MTUS2: variants seen among roughly 807,000 people sequenced by gnomAD.
MTUS2 encodes microtubule-associated tumor suppressor candidate 2.
In MTUS2, 40 loss-of-function variants were observed where a neutral mutation model predicts 114.1. The ratio of observed to expected loss-of-function variants is 0.35; its 90% CI spans 0.27 to 0.46. The LOEUF (loss-of-function observed/expected upper bound fraction) is 0.46. Ranked by LOEUF, MTUS2 falls within the 20% of genes least tolerant of loss-of-function variation. The pLI is 1.00. For missense variants in MTUS2, 1,679 were observed against 1,705.4 expected (o/e 0.98, Z 0.27); for synonymous variants, 688 against 672.0 (o/e 1.02, Z -0.37).
chr13:28,994,683 G>C (rs1885014709), intron 2 of MTUS2, among the ~76,000 whole-genome samples: 1 of 152,110 alleles, frequency 6.6e-6, no homozygotes, highest in Non-Finnish European at 1.5e-5. Flanking sequence ...GTGTTTTTTG[G>C]CTGCAAAAAT....
At position 29,389,809 on chromosome 13, in the gene MTUS2, GTA is replaced by G. The variant is rs1394483796; in HGVS notation, c.3117+30343_3117+30344del. Among the ~76,000 whole-genome samples, 2 of 67,192 alleles carry G rather than the reference GTA, an allele frequency of 3.0e-5. 1 individual carries two copies. Among genetic ancestry groups the G allele is most frequent in the Admixed American group, 3.1e-4 (2 of 6,508 alleles). 44.1% of individuals were successfully genotyped at this position (67,192 alleles called of 152,430 possible). ...TGTATATGTATATACATACATATGT[GTA>G]TATATACATACATATGTGTATATAT... On this transcript the variant is annotated intron_variant, in intron 8 of 15. Coordinates refer to ENST00000612955, the MANE Select transcript of MTUS2 (RefSeq NM_001033602.4).
chr13:29,173,154 G>T (rs1295069712), intron 5 of MTUS2, among the ~76,000 whole-genome samples: 1 of 151,812 alleles, frequency 6.6e-6, no homozygotes, highest in Admixed American at 6.6e-5. Context: ...TTGATATTTG[G>T]TATGTTAAAA....
intron 8 of MTUS2, among the ~76,000 whole-genome samples, chr13:29,433,555 C>T (rs1877170413): frequency 6.6e-6 from 1 of 152,196 alleles, no homozygotes. Flanking sequence ...GTCAATCCAC[C>T]TCCTATGGGA....
intron 8 of MTUS2, among the ~76,000 whole-genome samples, chr13:29,423,450 G>T (rs1876266995): frequency 6.6e-6 from 1 of 152,200 alleles, no homozygotes; most frequent in African/African-American, 2.4e-5. Context: ...GATTTCTTGT[G>T]TCAGGAAGCA....
At chr13:29,497,423 C>T in intron 13 of MTUS2, 87 bp downstream of exon 13, 1 of 1,160,522 alleles carries the variant, frequency 8.6e-7, no homozygotes, top group Non-Finnish European at 1.3e-6. Flanking sequence ...CGTCCCAAGA[C>T]AAGGCCTCTC....
At chr13:28,884,837 TTTTG>T (rs1307829688) in intron 2 of MTUS2, among the ~76,000 whole-genome samples, 9 of 152,214 alleles carry the variant, frequency 5.9e-5, no homozygotes, top group African/African-American at 2.2e-4. Flanking sequence ...AACACATTTT[TTTTG>T]TTTATTTTTG....
chr13:28,875,213 C>A (rs1448447629), intron 2 of MTUS2, among the ~76,000 whole-genome samples: 1 of 151,826 alleles, frequency 6.6e-6, no homozygotes, highest in Non-Finnish European at 1.5e-5. Context: ...AATGGATGCT[C>A]AGTAAAAATG....
intron 5 of MTUS2, among the ~76,000 whole-genome samples, chr13:29,264,465 G>T (rs988108440): frequency 6.6e-6 from 1 of 152,380 alleles, no homozygotes; most frequent in South Asian, 2.1e-4. Context: ...TGGGGACTCT[G>T]TGTGGATGCT....
At chr13:29,023,065 A>G (rs546007890) in intron 2 of MTUS2, among the ~76,000 whole-genome samples, 1 of 152,348 alleles carries the variant, frequency 6.6e-6, no homozygotes, top group African/African-American at 2.4e-5. Flanking sequence ...TGACCTAGTG[A>G]GGAACGCTTC....
rs563009650 is a variant in MTUS2 at position 29,478,909 on chromosome 13, T to C, written c.3185-1241T>C. 1.2e-3 allele frequency among the ~76,000 whole-genome samples: 176 copies of C among 152,300 alleles called. 1 individual carries two copies. Among genetic ancestry groups the C allele is most frequent in the African/African-American group, 4.1e-3 (171 of 41,570 alleles). On this transcript the variant is annotated intron_variant, in intron 9 of 15. Transcript: ENST00000612955. ...ACAAGGGCAAGGTGCCTGTGTAATA[T>C]CTAGCGAATCCATCACTTATTTCAC...
intron 2 of MTUS2, among the ~76,000 whole-genome samples, chr13:28,983,884 G>T (rs532915763): frequency 6.6e-6 from 1 of 152,334 alleles, no homozygotes; most frequent in Admixed American, 6.5e-5. Flanking sequence ...ACAGCTTACC[G>T]CAGGAAGGAC....
chr13:29,499,350 G>A (rs894472718), intron 14 of MTUS2, among the ~76,000 whole-genome samples: 7 of 152,186 alleles, frequency 4.6e-5, no homozygotes, highest in African/African-American at 1.7e-4. Context: ...CAAAGGGAGT[G>A]GAGGAGAAGC....
At chr13:28,953,959 CTACTATAA>C (rs1476497020) in intron 2 of MTUS2, among the ~76,000 whole-genome samples, 2 of 152,056 alleles carry the variant, frequency 1.3e-5, no homozygotes, top group Non-Finnish European at 2.9e-5. Flanking sequence ...ACTATAAGGG[CTACTATAA>C]TAAAATCAAT....
At chr13:29,020,287 A>G (rs776631837) in intron 2 of MTUS2, among the ~76,000 whole-genome samples, 5 of 152,240 alleles carry the variant, frequency 3.3e-5, no homozygotes, top group African/African-American at 1.2e-4. Flanking sequence ...ATGCACCTCA[A>G]CTAGGGGTTT....
intron 2 of MTUS2, among the ~76,000 whole-genome samples, chr13:28,961,993 G>A (rs1430416531): frequency 6.6e-6 from 1 of 151,602 alleles, no homozygotes; most frequent in Non-Finnish European, 1.5e-5. Context: ...AGAATTCTTG[G>A]ATTGCAGAGA....
At chr13:29,365,159 AG>A (rs1463298006) in intron 8 of MTUS2, among the ~76,000 whole-genome samples, 5 of 152,176 alleles carry the variant, frequency 3.3e-5, no homozygotes, top group Non-Finnish European at 7.4e-5. Flanking sequence ...AGCTAAAGGA[AG>A]TTTTTAGCAC....
At chr13:29,155,949 G>T (rs1472406601) in intron 5 of MTUS2, among the ~76,000 whole-genome samples, 1 of 151,886 alleles carries the variant, frequency 6.6e-6, no homozygotes, top group South Asian at 2.1e-4. Context: ...TAGGAGGCAG[G>T]GCAGTAAATA....
At chr13:29,478,346 TA>T (rs1229603260) in intron 9 of MTUS2, among the ~76,000 whole-genome samples, 1 of 152,202 alleles carries the variant, frequency 6.6e-6, no homozygotes, top group African/African-American at 2.4e-5. Flanking sequence ...CCCTTATTTG[TA>T]GGGAATGTAC....
intron 8 of MTUS2, among the ~76,000 whole-genome samples, chr13:29,399,281 A>G (rs537886265): frequency 2.6e-5 from 4 of 152,172 alleles, no homozygotes; most frequent in African/African-American, 9.6e-5. Context: ...GGTCTTGACC[A>G]GGTTCTTTAC....
Sources: gnomAD v4.1 joint callset for allele counts (sites outside exome capture counted in the v4.1 genomes callset) on GRCh38, gnomAD v4.1.1 for gene constraint, MANE v1.5 for transcripts, NCBI Gene and HGNC (gene_info 2026-07-23, HGNC 2026-07-21) for gene names.